BCAS3: variants seen among roughly 807,000 people sequenced by gnomAD.
BCAS3 encodes the protein BCAS3 microtubule associated cell migration factor, also known as BCAS4/BCAS3 fusion.
In BCAS3, 53 loss-of-function variants were observed where a neutral mutation model predicts 116.1. That is an observed-to-expected ratio of 0.46 (90% CI 0.37 to 0.57). The LOEUF (loss-of-function observed/expected upper bound fraction) is 0.57. Among genes scored for constraint, BCAS3 ranks in the 20% least tolerant of loss-of-function variants. The probability of loss-of-function intolerance (pLI) is 0.00; values close to 1 mark genes in which losing one functional copy is unlikely to be tolerated. For missense variants in BCAS3, 917 were observed against 1,165.4 expected, an observed-to-expected ratio of 0.79 and a Z score of 3.10; for synonymous variants, 391 against 408.2, an observed-to-expected ratio of 0.96 and a Z score of 0.51.
At chr17:60,771,585 G>A (rs1237505734) in intron 6 of BCAS3, among the ~76,000 whole-genome samples, 2 of 151,828 alleles carry the variant, frequency 1.3e-5, no homozygotes, top group Non-Finnish European at 2.9e-5. Flanking sequence ...AAATTCTAGG[G>A]TATATGTGCA....
chr17:61,123,251 A>G (rs915457909), intron 22 of BCAS3, among the ~76,000 whole-genome samples: 36 of 151,982 alleles, frequency 2.4e-4, no homozygotes, highest in African/African-American at 7.7e-4. Flanking sequence ...CCACTGGGTA[A>G]GTCTTCTTTA....
At chr17:60,726,903 C>T (rs1035293455) in intron 5 of BCAS3, among the ~76,000 whole-genome samples, 14 of 152,054 alleles carry the variant, frequency 9.2e-5, no homozygotes, top group Admixed American at 4.6e-4. Flanking sequence ...ATGCACCATA[C>T]ATTGTTTTAG....
intron 7 of BCAS3, among the ~76,000 whole-genome samples, chr17:60,809,589 G>A (rs143409172): frequency 7.9e-5 from 12 of 152,218 alleles, no homozygotes; most frequent in Non-Finnish European, 1.2e-4. Flanking sequence ...GAAAATTTTC[G>A]CTCATCTCTG....
intron 7 of BCAS3, among the ~76,000 whole-genome samples, chr17:60,834,926 C>G (rs2051240142): frequency 6.6e-6 from 1 of 151,772 alleles, no homozygotes; most frequent in Admixed American, 6.6e-5. Flanking sequence ...TTCAAAAGTT[C>G]CTTATAATAG....
At chr17:61,230,820 T>C (rs1224766138) in intron 22 of BCAS3, among the ~76,000 whole-genome samples, 1 of 152,160 alleles carries the variant, frequency 6.6e-6, no homozygotes, top group Non-Finnish European at 1.5e-5. Flanking sequence ...CATAATGGGA[T>C]TGCTGGGTCA....
In BCAS3 at chr17:60,778,877, T is replaced by A. The variant is rs1479153730; in HGVS notation, c.404-29127T>A. 2.0e-5 allele frequency among the ~76,000 whole-genome samples: 3 copies of A among 152,356 alleles called. No individual in the cohort carries two copies. The East Asian group carries it at 5.8e-4, about 29-fold the overall frequency. ...ATATGCTATAAGTAGCATATGATTTTGTGGGATGATAAAAGTATAGTTTGT... is the reference window on the plus strand; with the variant it reads ...ATATGCTATAAGTAGCATATGATTTAGTGGGATGATAAAAGTATAGTTTGT... On this transcript the variant is annotated intron_variant, in intron 6 of 23. Transcript: ENST00000407086.
intron 14 of BCAS3, among the ~76,000 whole-genome samples, chr17:60,965,782 A>C (rs2061630609): frequency 6.6e-6 from 1 of 152,202 alleles, no homozygotes; most frequent in Non-Finnish European, 1.5e-5. Context: ...CTTCTGGAGA[A>C]TGTCCCATGT....
At position 60,837,908 on chromosome 17, in the gene BCAS3, C is replaced by A. The variant is rs189089030; in HGVS notation, c.476+29832C>A. On this transcript the variant is annotated intron_variant, in intron 7 of 23. Coordinates refer to ENST00000407086, the MANE Select transcript of BCAS3 (RefSeq NM_017679.5). ...CTCAGGTGATCCACCCCGTTGGCCT[C>A]CCAAAGTGCTGGGATTACAGGTGTG... 6.6e-5 allele frequency among the ~76,000 whole-genome samples: 10 copies of A among 152,254 alleles called. 1 individual carries two copies. Among genetic ancestry groups the A allele is most frequent in the Admixed American group, 5.9e-4 (9 of 15,290 alleles).
chr17:61,272,528 A>G (rs1319190508), intron 22 of BCAS3, among the ~76,000 whole-genome samples: 2 of 147,594 alleles, frequency 1.4e-5, no homozygotes, highest in Admixed American at 6.9e-5. Context: ...GGTCTCAGCT[A>G]CTCGGGAGGC....
chr17:60,706,803 C>CT (rs546689684), intron 4 of BCAS3, among the ~76,000 whole-genome samples: 1,816 of 122,220 alleles, frequency 0.015, 30 homozygotes, highest in East Asian at 0.025. Flanking sequence ...TTACACTATA[C>CT]TTTTTTTTTT....
chr17:61,049,184 C>G (rs1256103513), intron 19 of BCAS3, among the ~76,000 whole-genome samples: 1 of 151,660 alleles, frequency 6.6e-6, no homozygotes, highest in Non-Finnish European at 1.5e-5. Flanking sequence ...ACCCTTAATC[C>G]CAGGTACTCA....
At chr17:60,796,326 C>T (rs1282012769) in intron 6 of BCAS3, among the ~76,000 whole-genome samples, 2 of 152,168 alleles carry the variant, frequency 1.3e-5, no homozygotes, top group Admixed American at 6.5e-5. Flanking sequence ...TGAATGTCTA[C>T]TGGAATTCTG....
chr17:60,977,578 T>G (rs1274168328), intron 14 of BCAS3, among the ~76,000 whole-genome samples: 3 of 151,712 alleles, frequency 2.0e-5, no homozygotes, highest in African/African-American at 4.9e-5. Flanking sequence ...TGTATACATG[T>G]GCCATGCTGG....
In BCAS3 at chr17:61,162,095, G is replaced by C. The variant is rs955529179; in HGVS notation, c.2425+77531G>C. Among the ~76,000 whole-genome samples the C allele has an allele frequency of 6.6e-6, 1 of 152,152 alleles. No individual in the cohort carries two copies. Among genetic ancestry groups the C allele is most frequent in the African/African-American group, 2.4e-5 (1 of 41,424 alleles). ...ATAAAGTTTGATCTGTATGTGGATG[G>C]TTTTACTACCCCAAATGAAATGTAC... is the stretch of plus-strand genomic sequence containing the variant. On this transcript the variant is annotated intron_variant, in intron 22 of 23. Coordinates refer to ENST00000407086, the MANE Select transcript of BCAS3 (RefSeq NM_017679.5). This position sits in a 1 kb window ranked among gnomAD's most constrained non-coding sequence, Gnocchi z 5.6.
chr17:60,681,543 ATAT>A lies in BCAS3; in HGVS notation c.83+2008_83+2010del, dbSNP rs1024150207. Among the ~76,000 whole-genome samples the A allele has an allele frequency of 6.0e-5, 9 of 150,568 alleles. 1 individual carries two copies. The highest frequency in any genetic ancestry group is 1.2e-4 in the Non-Finnish European group (8 of 67,700). On this transcript the variant is annotated intron_variant, in intron 2 of 23. Transcript: ENST00000407086. The stretch of plus-strand genomic sequence containing the variant: ...AAATAGATATATTTTATATGTATAT[ATAT>A]TATTCTTTTTTTTTTCTTTTTTTGA...
Position 61,208,612 on chromosome 17 carries a change from T to C in BCAS3, c.2425+124048T>C, listed in dbSNP as rs1257689469. On this transcript the variant is annotated intron_variant, in intron 22 of 23. Coordinates refer to ENST00000407086, the MANE Select transcript of BCAS3 (RefSeq NM_017679.5). The surrounding 1 kb of genome is among the most constrained non-coding windows in gnomAD (Gnocchi z 4.5). ...CAAATGCTAATATCAGAGACTCTCT[T>C]TTAAAGCTACTAGGTCCACGCTTCT... Among the ~76,000 whole-genome samples the C allele has an allele frequency of 6.6e-6, 1 of 152,158 alleles. No individual in the cohort carries two copies. Among genetic ancestry groups the C allele is most frequent in the Non-Finnish European group, 1.5e-5 (1 of 68,028 alleles).
chr17:61,312,038 G>C (rs1463238322), intron 22 of BCAS3, among the ~76,000 whole-genome samples: 1 of 152,186 alleles, frequency 6.6e-6, no homozygotes, highest in Non-Finnish European at 1.5e-5. Context: ...TGTGGCTTCT[G>C]GGTGTCCTAT....
rs1226533113 is a variant in BCAS3, at chr17:61,012,961, A to G, written c.1487-2790A>G. Reference sequence around the variant, plus strand: ...CAATTGAGAGGTCCTCCTAAAACTGAAATATTTTATCTGCCATAGTTAGAG... The same window carrying G: ...CAATTGAGAGGTCCTCCTAAAACTGGAATATTTTATCTGCCATAGTTAGAG... On this transcript the variant is annotated intron_variant, in intron 15 of 23. Coordinates refer to ENST00000407086, the MANE Select transcript of BCAS3 (RefSeq NM_017679.5). This position sits in a 1 kb window ranked among gnomAD's most constrained non-coding sequence, Gnocchi z 4.5. 1.3e-5 allele frequency among the ~76,000 whole-genome samples: 2 copies of G among 152,124 alleles called. No homozygotes were observed. Among genetic ancestry groups the G allele is most frequent in the East Asian group, 3.9e-4 (2 of 5,182 alleles).
rs1476438090 is a variant in BCAS3 at position 61,325,736 on chromosome 17, C to T, written c.2426-42591C>T. On this transcript the variant is annotated intron_variant, in intron 22 of 23. Coordinates refer to ENST00000407086, the MANE Select transcript of BCAS3 (RefSeq NM_017679.5). This position sits in a 1 kb window ranked among gnomAD's most constrained non-coding sequence, Gnocchi z 6.4. ...GATGACCAGCAGGAGAGAGATGGGC[C>T]AACTCCACAAAGCAGGGGCTTTTTT... Among the ~76,000 whole-genome samples the T allele has an allele frequency of 6.6e-6, 1 of 152,106 alleles. No homozygotes were observed. The highest frequency in any genetic ancestry group is 2.4e-5 in the African/African-American group (1 of 41,420).
Sources: gnomAD v4.1 joint callset for allele counts (sites outside exome capture counted in the v4.1 genomes callset) on GRCh38, gnomAD v4.1.1 for gene constraint, Gnocchi (gnomAD v3.1) non-coding constraint, MANE v1.5 for transcripts, NCBI Gene and HGNC (gene_info 2026-07-23, HGNC 2026-07-21) for gene names.